FNDC3B: variants seen among roughly 807,000 people sequenced by gnomAD.
FNDC3B encodes the protein fibronectin type III domain-containing protein 3B.
In FNDC3B, 12 loss-of-function variants were observed where a neutral mutation model predicts 151.5. The observed-to-expected ratio is 0.08, with a 90% CI of 0.05 to 0.13. The LOEUF is 0.13. Among genes scored for constraint, FNDC3B ranks in the 10% least tolerant of loss-of-function variants. The pLI, the probability that FNDC3B is intolerant of heterozygous loss-of-function variation, is 1.00. For synonymous variants in FNDC3B, 528 were observed against 549.0 expected (o/e 0.96, Z 0.54); for missense variants, 1,214 against 1,505.3 (o/e 0.81, Z 3.20).
intron 2 of FNDC3B, among the ~76,000 whole-genome samples, chr3:172,123,867 T>A (rs1283040700): frequency 6.6e-6 from 1 of 152,214 alleles, no homozygotes; most frequent in Non-Finnish European, 1.5e-5. Flanking sequence ...GGGTTTGTGA[T>A]AGGAAATCAG....
chr3:172,206,435 G>C (rs1725428921), intron 3 of FNDC3B, among the ~76,000 whole-genome samples: 2 of 152,122 alleles, frequency 1.3e-5, no homozygotes, highest in Admixed American at 1.3e-4. Context: ...AAGGCTGGTG[G>C]ATCACCTGAG....
chr3:172,090,498 C>CTTGG (rs1446065662), intron 1 of FNDC3B, among the ~76,000 whole-genome samples: 6 of 152,092 alleles, frequency 3.9e-5, no homozygotes, highest in African/African-American at 1.4e-4. Flanking sequence ...AGAAATAGTT[C>CTTGG]TTGGTGAGAA....
chr3:172,088,308 C>T (rs114838651), intron 1 of FNDC3B, among the ~76,000 whole-genome samples: 1 of 152,132 alleles, frequency 6.6e-6, no homozygotes, highest in Non-Finnish European at 1.5e-5. Flanking sequence ...CTAGTCCAAC[C>T]TTTTTATGTT....
intron 1 of FNDC3B, among the ~76,000 whole-genome samples, chr3:172,042,628 T>C (rs1400381381): frequency 6.6e-6 from 1 of 152,194 alleles, no homozygotes; most frequent in Non-Finnish European, 1.5e-5. Flanking sequence ...GGTTGTGTTA[T>C]GCACACTTTA....
At chr3:172,314,444 C>G (rs990248285) in intron 11 of FNDC3B, among the ~76,000 whole-genome samples, 2 of 152,228 alleles carry the variant, frequency 1.3e-5, no homozygotes, top group African/African-American at 4.8e-5. Context: ...GGCACCTGGT[C>G]TGAGAATCAT....
chr3:172,260,048 T>G (rs1015871488), intron 6 of FNDC3B, among the ~76,000 whole-genome samples: 1 of 152,248 alleles, frequency 6.6e-6, no homozygotes, highest in Admixed American at 6.5e-5. Context: ...CCATGTTATT[T>G]TCTCTGCCTT....
intron 18 of FNDC3B, among the ~76,000 whole-genome samples, chr3:172,343,517 G>C (rs183177040): frequency 2.0e-5 from 3 of 152,174 alleles, no homozygotes; most frequent in African/African-American, 7.2e-5. Flanking sequence ...ATTCTTTCTC[G>C]TCTTTGTTTG....
At chr3:172,242,639 T>C (rs62281797) in intron 4 of FNDC3B, among the ~76,000 whole-genome samples, 23,176 of 152,178 alleles carry the variant, frequency 0.15, 1,943 homozygotes, top group African/African-American at 0.23. Context: ...GCACACAGCA[T>C]GGGGACTCTG....
At chr3:172,381,960 A>G (rs1735464490) in intron 25 of FNDC3B, among the ~76,000 whole-genome samples, 1 of 152,198 alleles carries the variant, frequency 6.6e-6, no homozygotes, top group Non-Finnish European at 1.5e-5. Flanking sequence ...TAGTAGAAGG[A>G]TTTATAATCC....
chr3:172,222,522 G>A (rs373231937), intron 3 of FNDC3B, among the ~76,000 whole-genome samples: 34 of 152,298 alleles, frequency 2.2e-4, no homozygotes, highest in African/African-American at 7.7e-4. Context: ...ACCAGGGACC[G>A]TTTTTGTGGA....
At chr3:172,263,586 GTTTTTTTTTTT>G (rs35762662) in intron 6 of FNDC3B, among the ~76,000 whole-genome samples, 54 of 102,200 alleles carry the variant, frequency 5.3e-4, no homozygotes, top group Admixed American at 1.0e-3. Flanking sequence ...GCTATCAAGT[GTTTTTTTTTTT>G]TTTTTTTTTT....
At chr3:172,174,933 ACCCCCCC>A (rs1269639185) in intron 3 of FNDC3B, among the ~76,000 whole-genome samples, 2 of 18,318 alleles carry the variant, frequency 1.1e-4, no homozygotes, top group East Asian at 5.6e-3. Context: ...TCCCCCCGCC[ACCCCCCC>A]CCCCCCAATA....
intron 3 of FNDC3B, among the ~76,000 whole-genome samples, chr3:172,180,691 T>C (rs553842515): frequency 1.3e-5 from 2 of 152,320 alleles, no homozygotes; most frequent in Admixed American, 6.5e-5. Context: ...TGTGGAACTC[T>C]AGTTGTGCCA....
rs1736513309 is a variant in FNDC3B at position 172,400,422 on chromosome 3, T to A, written c.*2947T>A. On this transcript the variant is annotated 3_prime_UTR_variant, in exon 26 of 26. Transcript: ENST00000415807. The stretch of plus-strand genomic sequence containing the variant: ...TGAGAAGTGCCCTAATTGAATGTGT[T>A]TGAATGTTATCCTTGCACAATTCTT... 1 of 152,682 alleles carries A rather than the reference T, an allele frequency of 6.5e-6. No individual in the cohort carries two copies. Among genetic ancestry groups the A allele is most frequent in the African/African-American group, 2.4e-5 (1 of 41,476 alleles). 9.5% of individuals were successfully genotyped at this position (152,682 alleles called of 1,614,324 possible). A position where few individuals can be genotyped will look rare whatever the true frequency, so the allele number is the denominator to read the frequency against.
intron 7 of FNDC3B, among the ~76,000 whole-genome samples, chr3:172,291,926 T>TA (rs1730364244): frequency 6.6e-6 from 1 of 152,122 alleles, no homozygotes; most frequent in Non-Finnish European, 1.5e-5. Context: ...TGAACCTAGA[T>TA]AGAGTTCCTA....
At chr3:172,346,466 C>A (rs1238421811) in intron 20 of FNDC3B, 26 bp downstream of exon 20, 3 of 1,348,762 alleles carry the variant, frequency 2.2e-6, no homozygotes, top group Non-Finnish European at 3.2e-6. Flanking sequence ...TCTGCATCAA[C>A]TTCTGTTTCT....
rs576254915 is a variant in FNDC3B, at chr3:172,061,296, G to A, written c.-29+21525G>A. On this transcript the variant is annotated intron_variant, in intron 1 of 25. Transcript: ENST00000415807. The stretch of plus-strand genomic sequence containing the variant: ...CACCCAGGCTAGAGTGCAGTGGCGT[G>A]ATCTCGGTTCACTGCAAGCTCCGCC... Among the ~76,000 whole-genome samples the A allele has an allele frequency of 1.9e-3, 288 of 150,190 alleles. 2 individuals are homozygous for A. Among genetic ancestry groups the A allele is most frequent in the Non-Finnish European group, 3.4e-3 (232 of 67,748 alleles).
chr3:172,297,641 A>AT (rs1487321027), intron 8 of FNDC3B, among the ~76,000 whole-genome samples: 1 of 151,882 alleles, frequency 6.6e-6, no homozygotes, highest in Non-Finnish European at 1.5e-5. Context: ...CGCCCGGCTA[A>AT]TTTTTTGTAT....
intron 1 of FNDC3B, among the ~76,000 whole-genome samples, chr3:172,055,844 G>A (rs1333052315): frequency 6.6e-6 from 1 of 151,662 alleles, no homozygotes. Flanking sequence ...GCAGTGGTGC[G>A]ATCTCGGCTC....
Sources: allele counts gnomAD v4.1 joint callset (sites outside exome capture counted in the v4.1 genomes callset), GRCh38; gene constraint gnomAD v4.1.1; transcripts MANE v1.5; gene names NCBI Gene and HGNC (gene_info 2026-07-23, HGNC 2026-07-21).